Variants in DMXL2 observed in about 807,000 individuals in gnomAD.
DMXL2 encodes the protein dmX-like protein 2.
DMXL2 carries 103 observed loss-of-function variants against 331.1 expected under a neutral mutation model. The observed-to-expected ratio is 0.31, with a 90% CI of 0.27 to 0.37. DMXL2 has a LOEUF of 0.37. Among genes scored for constraint, DMXL2 ranks in the 10% least tolerant of loss-of-function variants. The pLI is 1.00. For missense variants in DMXL2, 3,171 were observed against 3,642.9 expected, an observed-to-expected ratio of 0.87 and a Z score of 3.33; for synonymous variants, 1,281 against 1,252.1, an observed-to-expected ratio of 1.02 and a Z score of -0.49.
chr15:51,534,028 G>T (rs919774538), intron 13 of DMXL2, among the ~76,000 whole-genome samples: 1 of 152,114 alleles, frequency 6.6e-6, no homozygotes, highest in Non-Finnish European at 1.5e-5. Context: ...TCTACATTTG[G>T]ACCCCAAATC....
intron 1 of DMXL2, among the ~76,000 whole-genome samples, chr15:51,615,388 G>A (rs1258948993): frequency 5.3e-5 from 8 of 152,298 alleles, no homozygotes; most frequent in East Asian, 1.9e-4. Context: ...GATGCAAACC[G>A]TAAGGTACAA....
Position 51,474,481 on chromosome 15 carries a change from T to C in DMXL2, c.7076A>G (p.His2359Arg). 6.2e-7 allele frequency: 1 copy of C among 1,614,154 alleles called. No individual in the cohort carries two copies. Among genetic ancestry groups the C allele is most frequent in the Non-Finnish European group, 8.5e-7 (1 of 1,180,004 alleles). Residue 2359 changes from histidine (H) to arginine (R), a missense_variant, in exon 28 of 44, where the codon CAT becomes CGT. Coordinates refer to ENST00000560891, the MANE Select transcript of DMXL2 (RefSeq NM_001378457.1). Reference sequence around the variant, plus strand: ...ACTGGAGGAATTTGTGGCAAGAGCATGTATCAATAAACTTAAGTAAACAGC... The same window carrying C: ...ACTGGAGGAATTTGTGGCAAGAGCACGTATCAATAAACTTAAGTAAACAGC... ...VVAVYLSLLIHALATNSSSEL... is the reference protein window; with the variant it reads ...VVAVYLSLLIRALATNSSSEL...
At chr15:51,605,406 G>C (rs969187437) in intron 1 of DMXL2, among the ~76,000 whole-genome samples, 3 of 151,724 alleles carry the variant, frequency 2.0e-5, no homozygotes, top group Admixed American at 2.0e-4. Flanking sequence ...TCACCGTGTT[G>C]GCCAGGCTGG....
intron 1 of DMXL2, among the ~76,000 whole-genome samples, chr15:51,591,653 G>A (rs899468957): frequency 1.2e-4 from 18 of 152,162 alleles, no homozygotes; most frequent in African/African-American, 3.4e-4. Flanking sequence ...CCTGACCCCC[G>A]AGTAGCCTAA....
intron 13 of DMXL2, among the ~76,000 whole-genome samples, chr15:51,533,350 T>C (rs1429768498): frequency 6.6e-6 from 1 of 152,094 alleles, no homozygotes; most frequent in African/African-American, 2.4e-5. Context: ...ATATTATTAT[T>C]TGAAGGTAGA....
rs1327085094 is a variant in DMXL2, at chr15:51,534,923, A to G, written c.2436+740T>C. Reference sequence around the variant, plus strand: ...CACTTCTAGGGCCATCCTTTTGGCAATTAATTACATACCACCCTTAGACTC... The same window carrying G: ...CACTTCTAGGGCCATCCTTTTGGCAGTTAATTACATACCACCCTTAGACTC... On this transcript the variant is annotated intron_variant, in intron 13 of 43. Coordinates refer to ENST00000560891, the MANE Select transcript of DMXL2 (RefSeq NM_001378457.1). 3.9e-5 allele frequency among the ~76,000 whole-genome samples: 6 copies of G among 152,272 alleles called. 1 individual carries two copies. The highest frequency in any genetic ancestry group is 2.9e-5 in the Non-Finnish European group (2 of 68,020).
At chr15:51,455,036 G>GA (rs1463350399) in intron 40 of DMXL2, 115 bp downstream of exon 40, 6 of 849,316 alleles carry the variant, frequency 7.1e-6, no homozygotes, top group African/African-American at 6.7e-5. Context: ...TGGGATTGCT[G>GA]AAAAAAATCA....
At chr15:51,527,560 C>A (rs1292764962) in intron 13 of DMXL2, among the ~76,000 whole-genome samples, 1 of 152,070 alleles carries the variant, frequency 6.6e-6, no homozygotes, top group Non-Finnish European at 1.5e-5. Flanking sequence ...GAAACCCTGT[C>A]TCTACTAAAA....
intron 6 of DMXL2, among the ~76,000 whole-genome samples, chr15:51,562,170 ATACTC>A (rs1156335410): frequency 3.9e-4 from 60 of 152,310 alleles, no homozygotes; most frequent in African/African-American, 1.3e-3. Flanking sequence ...GATATCCTAA[ATACTC>A]TAATTTGACC....
chr15:51,537,401 A>C (rs2048345814), intron 11 of DMXL2, 87 bp downstream of exon 11: 1 of 1,387,712 alleles, frequency 7.2e-7, no homozygotes, highest in Non-Finnish European at 9.5e-7. Context: ...ATTTTCAGTA[A>C]TTCTAAAAAC....
At chr15:51,527,016 A>G (rs1396214628) in intron 13 of DMXL2, among the ~76,000 whole-genome samples, 1 of 152,222 alleles carries the variant, frequency 6.6e-6, no homozygotes, top group Admixed American at 6.5e-5. Context: ...CTACAGAAAG[A>G]CATCAATATC....
rs1270426983 is a variant in DMXL2, at chr15:51,481,138, C to T, written c.5968G>A (p.Glu1990Lys). 2 of 1,612,086 alleles carry T rather than the reference C, an allele frequency of 1.2e-6. No homozygotes were observed. Among genetic ancestry groups the T allele is most frequent in the Non-Finnish European group, 1.7e-6 (2 of 1,178,590 alleles). ...ATCACTAAACCAACAGCATCGTCTT[C>T]CTCTTCATCTAAGGCACTGTCGTGA... ...EDHDSALDEE[E>K]DDAVGLVMKS... The change falls in exon 24 of 44, where the codon GAA becomes AAA. Residue 1990 changes from glutamate to lysine, a missense_variant. Coordinates refer to ENST00000560891, the MANE Select transcript of DMXL2 (RefSeq NM_001378457.1).
chr15:51,607,654 T>A (rs995313663), intron 1 of DMXL2, among the ~76,000 whole-genome samples: 11 of 152,124 alleles, frequency 7.2e-5, no homozygotes, highest in African/African-American at 2.7e-4. Flanking sequence ...CCCAAGCAGA[T>A]TTTTTAAATG....
intron 2 of DMXL2, among the ~76,000 whole-genome samples, chr15:51,574,858 G>A (rs1050588603): frequency 6.6e-6 from 1 of 152,072 alleles, no homozygotes; most frequent in African/African-American, 2.4e-5. Context: ...TGTTCATTGC[G>A]ATTATCACCA....
intron 1 of DMXL2, among the ~76,000 whole-genome samples, chr15:51,594,633 A>G (rs1310856587): frequency 6.6e-6 from 1 of 152,160 alleles, no homozygotes; most frequent in Non-Finnish European, 1.5e-5. Context: ...TTAGACCAAT[A>G]TCCCTGATGA....
In DMXL2 at chr15:51,517,162, A is replaced by T; in HGVS notation, c.2442T>A (p.Leu814=). 1 of 1,612,698 alleles carries T rather than the reference A, an allele frequency of 6.2e-7. No homozygotes were observed. Among genetic ancestry groups the T allele is most frequent in the Non-Finnish European group, 8.5e-7 (1 of 1,178,776 alleles). ...DELSDPESSK[L]IGEVFNIVSQ... is the part of the protein sequence containing the mutation. ...TCACAATATTAAACACTTCTCCAAT[A>T]AGTTTCTGTAAATAAAAAACACAAA... is the stretch of plus-strand genomic sequence containing the variant. Residue 814 remains leucine, a synonymous_variant, in exon 14 of 44, where the codon CTT becomes CTA. Coordinates refer to ENST00000560891, the MANE Select transcript of DMXL2 (RefSeq NM_001378457.1).
At chr15:51,582,846 TA>T (rs1395679211) in intron 1 of DMXL2, among the ~76,000 whole-genome samples, 7 of 151,988 alleles carry the variant, frequency 4.6e-5, no homozygotes, top group Admixed American at 6.6e-5. Flanking sequence ...ATTTTAAAAT[TA>T]AATAAGAAAA....
intron 18 of DMXL2, among the ~76,000 whole-genome samples, chr15:51,495,622 G>A (rs1026169832): frequency 5.3e-5 from 8 of 152,062 alleles, no homozygotes; most frequent in Admixed American, 3.9e-4. Context: ...TGAATACCCA[G>A]GCTAGTTAGT....
At chr15:51,456,891 G>T (rs922924623) in intron 37 of DMXL2, among the ~76,000 whole-genome samples, 18 of 152,164 alleles carry the variant, frequency 1.2e-4, no homozygotes, top group African/African-American at 3.9e-4. Context: ...AGTCATATGA[G>T]GCCAGTGTGG....
Sources: gnomAD v4.1 joint callset for allele counts (sites outside exome capture counted in the v4.1 genomes callset) on GRCh38, gnomAD v4.1.1 for gene constraint, MANE v1.5 for transcripts, NCBI Gene and HGNC (gene_info 2026-07-23, HGNC 2026-07-21) for gene names.